The following KIAA1671 variants were observed in gnomAD, a reference collection of about 807,000 sequenced individuals.
KIAA1671 encodes the protein KIAA1671.
In KIAA1671, 52 loss-of-function variants were observed where a neutral mutation model predicts 131.2. That is an observed-to-expected ratio of 0.40 (90% CI 0.32 to 0.50). The LOEUF (loss-of-function observed/expected upper bound fraction) is 0.50, where lower values mean the gene tolerates loss of function less well. Ranked by LOEUF, KIAA1671 falls within the 20% of genes least tolerant of loss-of-function variation. KIAA1671 has a pLI of 0.73. For synonymous variants in KIAA1671, 1,003 were observed against 961.6 expected (o/e 1.04, Z -0.80); for missense variants, 2,360 against 2,364.2 (o/e 1.00, Z 0.04).
At chr22:24,999,028 A>AG (rs1193812321) in intron 1 of KIAA1671, among the ~76,000 whole-genome samples, 1 of 152,132 alleles carries the variant, frequency 6.6e-6, no homozygotes, top group African/African-American at 2.4e-5. Flanking sequence ...GTAGATACCT[A>AG]GGAGTGGAAT....
At chr22:25,052,128 C>G (rs1927565759) in intron 6 of KIAA1671, 1 of 152,858 alleles carries the variant, frequency 6.5e-6, no homozygotes, top group African/African-American at 2.4e-5. Context: ...CCTGCCAGCC[C>G]CTGCCAGCTC....
intron 6 of KIAA1671, among the ~76,000 whole-genome samples, chr22:25,093,788 C>CTCTCTCTGTCTTTCTCTCTT (rs1568951295): frequency 1.1e-5 from 1 of 94,614 alleles, no homozygotes; most frequent in African/African-American, 4.8e-5. Flanking sequence ...CTCTCTCTCT[C>CTCTCTCTGTCTTTCTCTCTT]TCTCTCTCTC....
intron 1 of KIAA1671, among the ~76,000 whole-genome samples, chr22:25,000,704 T>C (rs912989869): frequency 6.6e-6 from 1 of 151,382 alleles, no homozygotes; most frequent in Non-Finnish European, 1.5e-5. Flanking sequence ...TTTAGTAGAG[T>C]TGGGGTTTCA....
Position 25,174,505 on chromosome 22 carries a change from G to A in KIAA1671, c.4899+16G>A. The stretch of plus-strand genomic sequence containing the variant: ...CTTCATTGATGTAAGTCAGTGGCCA[G>A]GAGCATTTCTTCTTAAATGGAAATT... On this transcript the variant is annotated intron_variant, in intron 8 of 12. Coordinates refer to ENST00000358431, the MANE Select transcript of KIAA1671 (RefSeq NM_001145206.2). The A allele has an allele frequency of 2.0e-6, 3 of 1,491,130 alleles. No homozygotes were observed. Among genetic ancestry groups the A allele is most frequent in the Non-Finnish European group, 2.7e-6 (3 of 1,116,036 alleles). 92.4% of individuals were successfully genotyped at this position (1,491,130 alleles called of 1,614,324 possible). A position where few individuals can be genotyped will look rare whatever the true frequency, so the allele number is the denominator to read the frequency against.
rs1276716377 is a variant in KIAA1671 at position 25,196,173 on chromosome 22, A to C, written c.*3772A>C. The C allele has an allele frequency of 1.3e-5, 2 of 152,114 alleles. No individual in the cohort carries two copies. Among genetic ancestry groups the C allele is most frequent in the African/African-American group, 4.8e-5 (2 of 41,426 alleles). The allele number at this position is 152,114 out of a possible 1,614,324, so 9.4% of individuals were successfully genotyped here. On this transcript the variant is annotated 3_prime_UTR_variant, in exon 13 of 13. Coordinates refer to ENST00000358431, the MANE Select transcript of KIAA1671 (RefSeq NM_001145206.2). ...TCCAGAGTTTGCTTTCTTTTGACTA[A>C]ATTGGCTCCTGCAGGGGGAAGGGCA...
intron 6 of KIAA1671, among the ~76,000 whole-genome samples, chr22:25,094,896 G>A (rs897491064): frequency 6.6e-6 from 1 of 152,028 alleles, no homozygotes; most frequent in African/African-American, 2.4e-5. Flanking sequence ...GATTCTCGCT[G>A]AGCATCATTA....
chr22:25,003,218 G>A (rs927722626), intron 1 of KIAA1671, among the ~76,000 whole-genome samples: 73 of 152,138 alleles, frequency 4.8e-4, no homozygotes, highest in African/African-American at 1.7e-3. Flanking sequence ...TAAAATGGGA[G>A]TAAAATACTA....
chr22:25,136,307 A>G (rs997592331), intron 6 of KIAA1671, among the ~76,000 whole-genome samples: 3 of 152,222 alleles, frequency 2.0e-5, no homozygotes, highest in Non-Finnish European at 4.4e-5. Flanking sequence ...TTTCAGATGA[A>G]GAAATCAAGG....
At chr22:25,142,982 C>T (rs1245430428) in intron 6 of KIAA1671, among the ~76,000 whole-genome samples, 5 of 152,260 alleles carry the variant, frequency 3.3e-5, no homozygotes, top group Admixed American at 3.3e-4. Context: ...CTTCCGTTCT[C>T]AAACTCAGAG....
At chr22:25,178,313 G>C (rs76818674) in intron 9 of KIAA1671, among the ~76,000 whole-genome samples, 2 of 151,684 alleles carry the variant, frequency 1.3e-5, no homozygotes, top group South Asian at 4.2e-4. Context: ...GGAAGGGTGT[G>C]GGGGCTGGCT....
At position 25,195,101 on chromosome 22, in the gene KIAA1671, T is replaced by G. The variant is rs1934782397; in HGVS notation, c.*2700T>G. The G allele has an allele frequency of 6.6e-6, 1 of 152,066 alleles. No homozygotes were observed. Among genetic ancestry groups the G allele is most frequent in the African/African-American group, 2.4e-5 (1 of 41,400 alleles). The allele number at this position is 152,066 out of a possible 1,614,324, so 9.4% of individuals were successfully genotyped here. ...GCTCCTCAATCTAACCCTCCTCCCC[T>G]GGGGCTTTGGCTGTCCTCAATGAGA... On this transcript the variant is annotated 3_prime_UTR_variant, in exon 13 of 13. Transcript: ENST00000358431.
At chr22:25,005,726 G>A (rs1364936307) in intron 1 of KIAA1671, among the ~76,000 whole-genome samples, 1 of 152,220 alleles carries the variant, frequency 6.6e-6, no homozygotes, top group Non-Finnish European at 1.5e-5. Flanking sequence ...TCCCGTGGGG[G>A]AGTAATTTGT....
chr22:25,182,203 ATTCCTTCCTTCCGTCC>A (rs1009484871), intron 10 of KIAA1671, among the ~76,000 whole-genome samples: 9 of 113,126 alleles, frequency 8.0e-5, no homozygotes, highest in Non-Finnish European at 1.4e-4. Context: ...AAACAAACAT[ATTCCTTCCTTCCGTCC>A]TTCCTTCCTT....
chr22:25,093,468 C>G (rs1930120044), intron 6 of KIAA1671, among the ~76,000 whole-genome samples: 1 of 152,172 alleles, frequency 6.6e-6, no homozygotes, highest in Non-Finnish European at 1.5e-5. Context: ...CTGTTTCTGT[C>G]CACTTGGTTT....
chr22:24,967,802 C>T (rs1258033747), intron 1 of KIAA1671, among the ~76,000 whole-genome samples: 2 of 152,142 alleles, frequency 1.3e-5, no homozygotes, highest in Non-Finnish European at 2.9e-5. Flanking sequence ...ACCATCCTGG[C>T]TAACACGGTG....
chr22:25,178,124 A>C (rs1934105608), intron 9 of KIAA1671, among the ~76,000 whole-genome samples: 1 of 152,180 alleles, frequency 6.6e-6, no homozygotes, highest in Non-Finnish European at 1.5e-5. Context: ...GCTTCTGTGG[A>C]GAAGTGGGGG....
chr22:25,123,581 G>A (rs1397921035), intron 6 of KIAA1671, among the ~76,000 whole-genome samples: 1 of 152,138 alleles, frequency 6.6e-6, no homozygotes, highest in Non-Finnish European at 1.5e-5. Context: ...TGTGTCTTGA[G>A]GACCCTCAAG....
intron 6 of KIAA1671, among the ~76,000 whole-genome samples, chr22:25,128,328 G>A (rs938015019): frequency 2.6e-5 from 4 of 152,202 alleles, no homozygotes; most frequent in Non-Finnish European, 5.9e-5. Flanking sequence ...TCTGATGGAT[G>A]AATACATGAA....
At chr22:25,156,527 G>A (rs531191000) in intron 6 of KIAA1671, among the ~76,000 whole-genome samples, 1 of 151,754 alleles carries the variant, frequency 6.6e-6, no homozygotes, top group South Asian at 2.1e-4. Flanking sequence ...GTATATATGT[G>A]TATGTGTACA....
Sources: gnomAD v4.1 joint callset for allele counts (sites outside exome capture counted in the v4.1 genomes callset) on GRCh38, gnomAD v4.1.1 for gene constraint, MANE v1.5 for transcripts, NCBI Gene and HGNC (gene_info 2026-07-23, HGNC 2026-07-21) for gene names.